Variants in GBE1 observed in about 807,000 individuals in gnomAD.
GBE1 encodes the protein 1,4-alpha-glucan-branching enzyme.
A neutral mutation model predicts 88.8 loss-of-function variants in GBE1; 70 were observed. That is an observed-to-expected ratio of 0.79 (90% CI 0.65 to 0.96). The LOEUF is 0.96. Ranked by LOEUF, GBE1 falls within the 40% of genes least tolerant of loss-of-function variation. The probability of loss-of-function intolerance (pLI) is 0.00; values close to 1 mark genes in which losing one functional copy is unlikely to be tolerated. For synonymous variants in GBE1, 284 were observed against 300.1 expected (o/e 0.95, Z 0.56); for missense variants, 872 against 871.0 (o/e 1.00, Z -0.01).
intron 2 of GBE1, among the ~76,000 whole-genome samples, chr3:81,684,033 T>C (rs984676052): frequency 1.3e-5 from 2 of 152,244 alleles, no homozygotes; most frequent in African/African-American, 4.8e-5. Flanking sequence ...GCAGTAGTTA[T>C]GGATTGTCCT....
rs1559664105 is a variant in GBE1 at position 81,616,648 on chromosome 3, C to T, written c.993-22625G>A. Among the ~76,000 whole-genome samples the T allele has an allele frequency of 2.0e-5, 3 of 152,202 alleles. No individual in the cohort carries two copies. In the South Asian group the frequency reaches 6.2e-4, roughly 32 times the overall value. ...GACTGATTGCTCCCACTTTATTCCA[C>T]TTTTACAAGATTGTTTTAAGTGTTC... On this transcript the variant is annotated intron_variant, in intron 7 of 15. Transcript: ENST00000429644.
intron 5 of GBE1, among the ~76,000 whole-genome samples, chr3:81,646,741 T>A (rs1039987940): frequency 6.6e-6 from 1 of 152,326 alleles, no homozygotes. Context: ...CAAATTTACT[T>A]AATTTGGTTT....
chr3:81,534,845 T>C (rs2106868871), intron 14 of GBE1: 1 of 175,712 alleles, frequency 5.7e-6, no homozygotes, highest in South Asian at 1.5e-4. Flanking sequence ...TGCTATTATC[T>C]CAGAAGACTT....
rs563130336 is a variant in GBE1, at chr3:81,677,544, A to G, written c.314-6591T>C. Reference sequence around the variant, plus strand: ...ATAAAGATTGAAGTTTGGCTACTTAACTTGTATCAAGGAAGAATCTTGTCA... The same window carrying G: ...ATAAAGATTGAAGTTTGGCTACTTAGCTTGTATCAAGGAAGAATCTTGTCA... On this transcript the variant is annotated intron_variant, in intron 2 of 15. Coordinates refer to ENST00000429644, the MANE Select transcript of GBE1 (RefSeq NM_000158.4). Among the ~76,000 whole-genome samples, 12 of 152,314 alleles carry G rather than the reference A, an allele frequency of 7.9e-5. No individual in the cohort carries two copies. The South Asian group carries it at 2.5e-3, about 32-fold the overall frequency.
chr3:81,689,717 A>C (rs1275962828), intron 2 of GBE1, among the ~76,000 whole-genome samples: 1 of 152,116 alleles, frequency 6.6e-6, no homozygotes, highest in African/African-American at 2.4e-5. Context: ...ATCATTGGCC[A>C]TATTGAGATA....
At chr3:81,547,625 TTCTCTCTC>T (rs56681369) in intron 12 of GBE1, among the ~76,000 whole-genome samples, 26,840 of 138,176 alleles carry the variant, frequency 0.19, 2,939 homozygotes, top group Non-Finnish European at 0.21. Context: ...GGTTCGTTTG[TTCTCTCTC>T]TCTCTCTCTC....
At chr3:81,565,257 C>A (rs539283415) in intron 12 of GBE1, among the ~76,000 whole-genome samples, 1 of 152,292 alleles carries the variant, frequency 6.6e-6, no homozygotes, top group Non-Finnish European at 1.5e-5. Context: ...ATGTTACATT[C>A]AGCAAACTTG....
chr3:81,639,214 T>C (rs780540046), intron 7 of GBE1, among the ~76,000 whole-genome samples: 1 of 152,182 alleles, frequency 6.6e-6, no homozygotes, highest in African/African-American at 2.4e-5. Context: ...ATTCATTAAA[T>C]GCATTCACAT....
chr3:81,582,045 G>A (rs753787965), intron 10 of GBE1, among the ~76,000 whole-genome samples: 5 of 151,896 alleles, frequency 3.3e-5, no homozygotes, highest in East Asian at 1.9e-4. Flanking sequence ...CGCCACTCCC[G>A]ACATACTATA....
At chr3:81,511,597 T>C (rs1702726000) in intron 14 of GBE1, among the ~76,000 whole-genome samples, 1 of 151,830 alleles carries the variant, frequency 6.6e-6, no homozygotes, top group South Asian at 2.1e-4. Flanking sequence ...TCAACATCAC[T>C]AATTATTAGA....
At chr3:81,685,315 TTTG>T (rs373839984) in intron 2 of GBE1, among the ~76,000 whole-genome samples, 152 of 152,086 alleles carry the variant, frequency 1.0e-3, no homozygotes, top group Non-Finnish European at 1.4e-3. Context: ...AGACAAGTTT[TTTG>T]TTGTTGTTGT....
chr3:81,512,897 G>A (rs996568100), intron 14 of GBE1, among the ~76,000 whole-genome samples: 15 of 151,374 alleles, frequency 9.9e-5, no homozygotes, highest in Non-Finnish European at 3.0e-5. Flanking sequence ...TGATTCATAC[G>A]ACTAATTAAA....
intron 14 of GBE1, among the ~76,000 whole-genome samples, chr3:81,516,970 T>C (rs1702806140): frequency 6.6e-6 from 1 of 151,584 alleles, no homozygotes; most frequent in South Asian, 2.1e-4. Context: ...CTATTACTGA[T>C]GAAGATGCCA....
In GBE1 at chr3:81,536,878, A is replaced by AG; in HGVS notation, c.1803+32_1803+33insC. ...ATTCTAGGCATGTACCTCATTGGTG[A>AG]CTAAAACACAGCATCCAGAGTGAAG... On this transcript the variant is annotated intron_variant, in intron 13 of 15. Transcript: ENST00000429644. 4 of 1,523,088 alleles carry AG rather than the reference A, an allele frequency of 2.6e-6. No homozygotes were observed. The Admixed American group carries it at 9.1e-5, about 35-fold the overall frequency. 94.3% of individuals were successfully genotyped at this position (1,523,088 alleles called of 1,614,324 possible). A position where few individuals can be genotyped will look rare whatever the true frequency, so the allele number is the denominator to read the frequency against.
rs1702804579 is a variant in GBE1 at position 81,516,836 on chromosome 3, T to C, written c.1935-17609A>G. Reference sequence around the variant, plus strand: ...TGCAGATGCAGTGGAAATTGAAAGATAACTAGAATTAGAAGTGAAACCTAA... The same window carrying C: ...TGCAGATGCAGTGGAAATTGAAAGACAACTAGAATTAGAAGTGAAACCTAA... On this transcript the variant is annotated intron_variant, in intron 14 of 15. Coordinates refer to ENST00000429644, the MANE Select transcript of GBE1 (RefSeq NM_000158.4). Among the ~76,000 whole-genome samples, 2 of 151,564 alleles carry C rather than the reference T, an allele frequency of 1.3e-5. 1 individual carries two copies. Among genetic ancestry groups the C allele is most frequent in the South Asian group, 4.1e-4 (2 of 4,830 alleles).
At chr3:81,494,677 T>C (rs1257377814) in intron 15 of GBE1, among the ~76,000 whole-genome samples, 1 of 152,186 alleles carries the variant, frequency 6.6e-6, no homozygotes, top group Non-Finnish European at 1.5e-5. Flanking sequence ...CATTTTTTTC[T>C]AGCTATATTA....
At chr3:81,755,212 A>C (rs952461737) in intron 1 of GBE1, among the ~76,000 whole-genome samples, 3 of 152,190 alleles carry the variant, frequency 2.0e-5, no homozygotes, top group African/African-American at 7.2e-5. Flanking sequence ...GGTGTATGAA[A>C]AAAATGCTCA....
rs1229657795 is a variant in GBE1, at chr3:81,537,190, ATTTAG to A, written c.1619-100_1619-96del. On this transcript the variant is annotated intron_variant, in intron 12 of 15. Transcript: ENST00000429644. ...ATTATATGTTTTTAATGTTTTTTAA[ATTTAG>A]TTTAGGCTATCATTTACTAGACCTG... 5.7e-6 allele frequency: 5 copies of A among 880,672 alleles called. No individual in the cohort carries two copies. The African/African-American group carries it at 7.1e-5, about 12-fold the overall frequency. The allele number at this position is 880,672 out of a possible 1,614,324, so 54.6% of individuals were successfully genotyped here. A position where few individuals can be genotyped will look rare whatever the true frequency, so the allele number is the denominator to read the frequency against.
At chr3:81,761,248 C>T in intron 1 of GBE1, 127 bp downstream of exon 1, 1 of 1,253,018 alleles carries the variant, frequency 8.0e-7, no homozygotes, top group Non-Finnish European at 1.1e-6. Flanking sequence ...CGAGCCCCGC[C>T]CACTCAGGTT....
Sources: allele counts gnomAD v4.1 joint callset (sites outside exome capture counted in the v4.1 genomes callset), GRCh38; gene constraint gnomAD v4.1.1; transcripts MANE v1.5; gene names NCBI Gene and HGNC (gene_info 2026-07-23, HGNC 2026-07-21).